PXMP2: variants seen among roughly 807,000 people sequenced by gnomAD.
PXMP2 encodes the protein peroxisomal membrane protein 2.
A neutral mutation model predicts 20.2 loss-of-function variants in PXMP2; 13 were observed. The ratio of observed to expected loss-of-function variants is 0.64; its 90% CI spans 0.42 to 1.02. The LOEUF is 1.02. PXMP2 is among the 50% of genes least tolerant of loss of function. The pLI is 0.00. For missense variants in PXMP2, 284 were observed against 251.8 expected, an observed-to-expected ratio of 1.13 and a Z score of -0.87; for synonymous variants, 113 against 111.2, an observed-to-expected ratio of 1.02 and a Z score of -0.10.
At chr12:132,690,887 G>A (rs969917643) in intron 2 of PXMP2, among the ~76,000 whole-genome samples, 1 of 151,834 alleles carries the variant, frequency 6.6e-6, no homozygotes, top group African/African-American at 2.4e-5. Context: ...GATGGGTAGG[G>A]GTGACTGTCT....
chr12:132,695,935 T>A lies in PXMP2; in HGVS notation c.288T>A (p.His96Gln). ...LSHFFYFFME[H>Q]WIPPEVPLAG... ...ACTTCTTCTACTTCTTCATGGAACATTGGATCCCTCCTGAGGTCCCCCTGG... is the reference window on the plus strand; with the variant it reads ...ACTTCTTCTACTTCTTCATGGAACAATGGATCCCTCCTGAGGTCCCCCTGG... The change falls in exon 3 of 5, where the codon CAT (histidine) becomes CAA (glutamine). Residue 96 changes from histidine (H) to glutamine (Q), a missense_variant. By Grantham distance (24) the His-to-Gln change is conservative. Coordinates refer to ENST00000317479, the MANE Select transcript of PXMP2 (RefSeq NM_018663.3). The A allele has an allele frequency of 1.2e-6, 2 of 1,611,462 alleles. No individual in the cohort carries two copies. Among genetic ancestry groups the A allele is most frequent in the Non-Finnish European group, 1.7e-6 (2 of 1,178,858 alleles).
At chr12:132,701,931 A>T (rs2043444782) in intron 4 of PXMP2, among the ~76,000 whole-genome samples, 1 of 152,100 alleles carries the variant, frequency 6.6e-6, no homozygotes, top group African/African-American at 2.4e-5. Context: ...CTCTACTAAA[A>T]ATACAAAAAT....
intron 2 of PXMP2, among the ~76,000 whole-genome samples, chr12:132,694,909 G>A (rs1348891898): frequency 3.8e-5 from 5 of 130,756 alleles, no homozygotes; most frequent in East Asian, 2.4e-4. Flanking sequence ...GTTAGTGAGC[G>A]CCCTTGCCAG....
At chr12:132,700,337 G>A (rs1250640155) in intron 3 of PXMP2, among the ~76,000 whole-genome samples, 2 of 152,110 alleles carry the variant, frequency 1.3e-5, no homozygotes, top group South Asian at 2.1e-4. Flanking sequence ...ATGAGCCACC[G>A]CGCCTGGCCA....
intron 4 of PXMP2, among the ~76,000 whole-genome samples, chr12:132,702,015 G>A (rs186491095): frequency 2.6e-5 from 4 of 152,308 alleles, no homozygotes; most frequent in Non-Finnish European, 5.9e-5. Flanking sequence ...ACTTGAATCC[G>A]GGAGACGGAG....
In PXMP2 at chr12:132,696,565, A is replaced by T. The variant is rs2136064546; in HGVS notation, c.399+519A>T. ...GTAATCCCAGCACTTTGGGAGGGCG[A>T]GGCGGGTGGATCACCTGAGGTCAGG... On this transcript the variant is annotated intron_variant, in intron 3 of 4. Transcript: ENST00000317479. The surrounding 1 kb of genome is among the most constrained non-coding windows in gnomAD (Gnocchi z 4.4). 6.6e-6 allele frequency among the ~76,000 whole-genome samples: 1 copy of T among 152,218 alleles called. No homozygotes were observed. The highest frequency in any genetic ancestry group is 6.5e-5 in the Admixed American group (1 of 15,278).
At chr12:132,701,143 C>A in intron 3 of PXMP2, 107 bp from the exon 4 acceptor site, 2 of 1,505,806 alleles carry the variant, frequency 1.3e-6, no homozygotes, top group African/African-American at 1.4e-5. Context: ...ACACACAGAA[C>A]AAAATCCAAT....
At chr12:132,699,526 C>CTT (rs67730658) in intron 3 of PXMP2, among the ~76,000 whole-genome samples, 1,119 of 100,486 alleles carry the variant, frequency 0.011, 36 homozygotes, top group African/African-American at 0.04. Context: ...AAAAGACATG[C>CTT]TTTTTTTTTT....
At position 132,704,659 on chromosome 12, in the gene PXMP2, A is replaced by G. The variant is rs768194577; in HGVS notation, c.560A>G (p.Tyr187Cys). ...GCCAACCTGGCAGCTCTGTTCTGGTATGCCTACCTGGCCTCCTTGGGGAAG... is the reference window on the plus strand; with the variant it reads ...GCCAACCTGGCAGCTCTGTTCTGGTGTGCCTACCTGGCCTCCTTGGGGAAG... ...LFANLAALFW[Y>C]AYLASLGK Residue 187 changes from tyrosine (Y) to cysteine (C), a missense_variant, in exon 5 of 5, where the codon TAT becomes TGT. Coordinates refer to ENST00000317479, the MANE Select transcript of PXMP2 (RefSeq NM_018663.3). The G allele has an allele frequency of 5.8e-6, 9 of 1,542,548 alleles. No individual in the cohort carries two copies. Among genetic ancestry groups the G allele is most frequent in the African/African-American group, 4.1e-5 (3 of 72,396 alleles).
intron 2 of PXMP2, among the ~76,000 whole-genome samples, chr12:132,692,689 C>T (rs2043377968): frequency 7.9e-6 from 1 of 127,144 alleles, no homozygotes; most frequent in Admixed American, 7.5e-5. Flanking sequence ...TTAGTGAGCG[C>T]CCTTGCCAGT....
chr12:132,702,517 G>A lies in PXMP2; in HGVS notation c.519+1148G>A, dbSNP rs147126501. On this transcript the variant is annotated intron_variant, in intron 4 of 4. Transcript: ENST00000317479. ...AGGATACCCCCAGATGCTACAGGAG[G>A]AGGCCTGGCAGAGCCTGCAGGGGCC... 4.2e-4 allele frequency: 168 copies of A among 398,842 alleles called. 2 individuals are homozygous for A. In the Middle Eastern group the frequency reaches 0.014, roughly 34 times the overall value. 24.7% of individuals were successfully genotyped at this position (398,842 alleles called of 1,614,324 possible).
At chr12:132,700,032 G>A (rs1004018678) in intron 3 of PXMP2, among the ~76,000 whole-genome samples, 1 of 143,696 alleles carries the variant, frequency 7.0e-6, no homozygotes, top group African/African-American at 2.5e-5. Flanking sequence ...AGCATCTATT[G>A]TTTTTTGACC....
intron 3 of PXMP2, among the ~76,000 whole-genome samples, chr12:132,699,526 CTTTTTTTTT>C (rs67730658): frequency 9.9e-6 from 1 of 100,522 alleles, no homozygotes; most frequent in South Asian, 3.4e-4. Flanking sequence ...AAAAGACATG[CTTTTTTTTT>C]TTTTTTTTTT....
intron 2 of PXMP2, among the ~76,000 whole-genome samples, chr12:132,692,272 C>T (rs1312097084): frequency 6.7e-6 from 1 of 148,382 alleles, no homozygotes; most frequent in Non-Finnish European, 1.5e-5. Context: ...AGTGAGCTCC[C>T]TTAGCCAGTT....
At chr12:132,698,115 A>G (rs1378044287) in intron 3 of PXMP2, among the ~76,000 whole-genome samples, 3 of 151,478 alleles carry the variant, frequency 2.0e-5, no homozygotes, top group Non-Finnish European at 4.4e-5. Context: ...GGTTCAAGCA[A>G]TTCTCTGCCT....
chr12:132,704,557 G>C, intron 4 of PXMP2, 62 bp from the exon 5 acceptor site: 2 of 1,288,326 alleles, frequency 1.6e-6, no homozygotes, highest in South Asian at 2.0e-5. Flanking sequence ...GGGTGACTGA[G>C]GCTGGATAAC....
chr12:132,701,210 G>A (rs756499418), intron 3 of PXMP2, 40 bp from the exon 4 acceptor site: 5 of 1,611,376 alleles, frequency 3.1e-6, no homozygotes, highest in Non-Finnish European at 3.4e-6. Flanking sequence ...GTTCTGATGG[G>A]CAGTGAGACT....
At chr12:132,695,265 GC>G (rs1253037175) in intron 2 of PXMP2, among the ~76,000 whole-genome samples, 1 of 151,160 alleles carries the variant, frequency 6.6e-6, no homozygotes, top group Non-Finnish European at 1.5e-5. Context: ...CCTAGTGAGT[GC>G]CCTTGCCAGT....
intron 2 of PXMP2, among the ~76,000 whole-genome samples, chr12:132,690,805 C>T (rs1049943366): frequency 6.6e-6 from 1 of 152,088 alleles, no homozygotes; most frequent in Non-Finnish European, 1.5e-5. Context: ...CCTTGGCCTC[C>T]CAAAGTGCTG....
Sources: allele counts gnomAD v4.1 joint callset (sites outside exome capture counted in the v4.1 genomes callset), GRCh38; gene constraint gnomAD v4.1.1; non-coding constraint Gnocchi (gnomAD v3.1); transcripts MANE v1.5; gene names NCBI Gene and HGNC (gene_info 2026-07-23, HGNC 2026-07-21).